Variants in DCC observed in about 807,000 individuals in gnomAD.
The protein encoded by DCC is netrin receptor DCC.
DCC carries 58 observed loss-of-function variants against 172.5 expected under a neutral mutation model. The observed-to-expected ratio is 0.34, with a 90% CI of 0.27 to 0.42. The LOEUF is 0.42. Among genes scored for constraint, DCC ranks in the 10% least tolerant of loss-of-function variants. DCC has a pLI of 1.00. For missense variants in DCC, 1,740 were observed against 1,791.0 expected (o/e 0.97, Z 0.51); for synonymous variants, 709 against 644.5 (o/e 1.10, Z -1.52).
intron 14 of DCC, among the ~76,000 whole-genome samples, 155 bp downstream of exon 14, chr18:53,322,312 C>T (rs182098447): frequency 6.6e-6 from 1 of 152,300 alleles, no homozygotes; most frequent in African/African-American, 2.4e-5. Flanking sequence ...TTAGTGAATA[C>T]ATAGTCTTCA....
At chr18:53,407,351 G>C (rs1227477437) in intron 19 of DCC, among the ~76,000 whole-genome samples, 1 of 151,422 alleles carries the variant, frequency 6.6e-6, no homozygotes, top group African/African-American at 2.4e-5. Context: ...GATTTTATTA[G>C]ATTTTTGGGG....
At chr18:53,120,137 T>C (rs1000577781) in intron 7 of DCC, among the ~76,000 whole-genome samples, 7 of 151,968 alleles carry the variant, frequency 4.6e-5, no homozygotes, top group Non-Finnish European at 8.8e-5. Context: ...TCTCTATGCG[T>C]AAATATCAAT....
intron 1 of DCC, among the ~76,000 whole-genome samples, chr18:52,443,007 T>A (rs1015550033): frequency 6.8e-6 from 1 of 147,082 alleles, no homozygotes; most frequent in South Asian, 2.2e-4. Context: ...TTCTTTCTAT[T>A]TTTTTTTTTT....
At chr18:52,997,655 A>G (rs1205430826) in intron 5 of DCC, among the ~76,000 whole-genome samples, 1 of 152,134 alleles carries the variant, frequency 6.6e-6, no homozygotes, top group African/African-American at 2.4e-5. Flanking sequence ...AAAGAGTCTC[A>G]TATTGTTTGT....
At chr18:53,452,393 C>T (rs904774837) in intron 23 of DCC, among the ~76,000 whole-genome samples, 3 of 152,120 alleles carry the variant, frequency 2.0e-5, no homozygotes, top group Non-Finnish European at 2.9e-5. Context: ...CCCCCCGCCC[C>T]GTGTCATTTC....
intron 1 of DCC, among the ~76,000 whole-genome samples, chr18:52,458,288 C>T (rs576816176): frequency 2.6e-5 from 4 of 152,256 alleles, no homozygotes; most frequent in South Asian, 4.2e-4. Context: ...ATCCCATGAT[C>T]CTTCAGCCTT....
At chr18:53,292,687 CT>C (rs1213623798) in intron 12 of DCC, among the ~76,000 whole-genome samples, 3 of 152,118 alleles carry the variant, frequency 2.0e-5, no homozygotes, top group Non-Finnish European at 4.4e-5. Context: ...GAAACTCCGT[CT>C]CAAAACAAAA....
intron 19 of DCC, among the ~76,000 whole-genome samples, chr18:53,405,575 C>A (rs917372833): frequency 6.6e-6 from 1 of 151,928 alleles, no homozygotes; most frequent in African/African-American, 2.4e-5. Context: ...TATACAGAAT[C>A]CAGATCATCA....
intron 1 of DCC, among the ~76,000 whole-genome samples, chr18:52,355,246 C>G (rs1356479892): frequency 6.6e-6 from 1 of 151,944 alleles, no homozygotes; most frequent in African/African-American, 2.4e-5. Context: ...CACAAAACTT[C>G]TTGTGTTTCA....
At chr18:53,319,208 T>C (rs979485430) in intron 13 of DCC, among the ~76,000 whole-genome samples, 7 of 152,146 alleles carry the variant, frequency 4.6e-5, no homozygotes, top group Admixed American at 4.6e-4. Context: ...CATCAACTAA[T>C]GGGCAAAATA....
At chr18:52,712,684 C>T (rs927516987) in intron 1 of DCC, among the ~76,000 whole-genome samples, 4 of 152,160 alleles carry the variant, frequency 2.6e-5, no homozygotes, top group Non-Finnish European at 4.4e-5. Flanking sequence ...TTTTCTGAAA[C>T]ACTCATGTTG....
intron 15 of DCC, among the ~76,000 whole-genome samples, chr18:53,354,161 A>T (rs1349738229): frequency 6.6e-6 from 1 of 152,150 alleles, no homozygotes; most frequent in Non-Finnish European, 1.5e-5. Context: ...CCATTCTATC[A>T]TTGATGGACA....
chr18:52,398,495 T>G (rs1354928084), intron 1 of DCC, among the ~76,000 whole-genome samples: 1 of 151,994 alleles, frequency 6.6e-6, no homozygotes, highest in African/African-American at 2.4e-5. Context: ...CTTTGTCTCC[T>G]CAATTAGATT....
chr18:53,275,651 C>G (rs2056796753), intron 12 of DCC, among the ~76,000 whole-genome samples: 2 of 152,106 alleles, frequency 1.3e-5, no homozygotes, highest in South Asian at 4.2e-4. Flanking sequence ...AACAATATAG[C>G]AAGCAACAAC....
chr18:52,576,879 T>G (rs906269926), intron 1 of DCC, among the ~76,000 whole-genome samples: 10 of 152,054 alleles, frequency 6.6e-5, no homozygotes, highest in Non-Finnish European at 1.5e-4. Flanking sequence ...TTTGTAATCA[T>G]GCTTTATGCA....
chr18:53,433,703 C>A (rs1370367411), intron 21 of DCC, among the ~76,000 whole-genome samples: 1 of 152,082 alleles, frequency 6.6e-6, no homozygotes, highest in Non-Finnish European at 1.5e-5. Flanking sequence ...TAGACTTGTC[C>A]ACATTTTTGT....
At chr18:53,447,821 AAAG>A (rs372921544) in intron 22 of DCC, among the ~76,000 whole-genome samples, 32 of 152,288 alleles carry the variant, frequency 2.1e-4, no homozygotes, top group African/African-American at 7.7e-4. Context: ...AACTGTGAAA[AAAG>A]GGAGTTTTGA....
chr18:53,189,359 G>A lies in DCC; in HGVS notation c.1573+10243G>A, dbSNP rs146285954. On this transcript the variant is annotated intron_variant, in intron 9 of 28. Transcript: ENST00000442544. ...CAAACAGTAGAAATCCAAACCTGTG[G>A]TCAATGTTAGTAAGTTTTCACAGGC... 3.7e-3 allele frequency among the ~76,000 whole-genome samples: 564 copies of A among 151,956 alleles called. 1 individual carries two copies. Among genetic ancestry groups the A allele is most frequent in the African/African-American group, 0.013 (529 of 41,434 alleles).
At chr18:53,434,930 ATTTAG>A (rs1446477070) in intron 21 of DCC, among the ~76,000 whole-genome samples, 1 of 152,176 alleles carries the variant, frequency 6.6e-6, no homozygotes, top group Non-Finnish European at 1.5e-5. Context: ...GAAACACTGA[ATTTAG>A]TTTAAGAGAG....
Sources: allele counts gnomAD v4.1 joint callset (sites outside exome capture counted in the v4.1 genomes callset), GRCh38; gene constraint gnomAD v4.1.1; transcripts MANE v1.5; gene names NCBI Gene and HGNC (gene_info 2026-07-23, HGNC 2026-07-21).